BTN2A2: variants seen among roughly 807,000 people sequenced by gnomAD.
BTN2A2 encodes the protein butyrophilin 2.
A neutral mutation model predicts 34.7 loss-of-function variants in BTN2A2; 29 were observed. The observed-to-expected ratio is 0.84, with a 90% CI of 0.62 to 1.14. The LOEUF is 1.14. BTN2A2 is among the 50% of genes most tolerant of loss of function. The pLI is 0.00. For missense variants in BTN2A2, 612 were observed against 651.5 expected (o/e 0.94, Z 0.66); for synonymous variants, 240 against 253.1 (o/e 0.95, Z 0.49).
In BTN2A2 at chr6:26,394,237, C is replaced by T. The variant is rs1369531803; in HGVS notation, c.*1270C>T. On this transcript the variant is annotated 3_prime_UTR_variant, in exon 8 of 8. Coordinates refer to ENST00000356709, the MANE Select transcript of BTN2A2 (RefSeq NM_006995.5). ...AGAGTTCTCTCTAGGAATCCCAAAA[C>T]CACATTTTGAAACTAGAATAGTGGA... is the stretch of plus-strand genomic sequence containing the variant. The T allele has an allele frequency of 2.9e-6, 2 of 699,010 alleles. No individual in the cohort carries two copies. Among genetic ancestry groups the T allele is most frequent in the Non-Finnish European group, 5.2e-6 (2 of 383,634 alleles). The allele number at this position is 699,010 out of a possible 1,614,324, so 43.3% of individuals were successfully genotyped here.
Position 26,392,995 on chromosome 6 carries a change from C to T in BTN2A2, c.*28C>T, listed in dbSNP as rs370709739. ...TCAATTCCTTGGACTCACAGCCATG[C>T]AGATAAGCCCTGGCCATCTCAGCAG... On this transcript the variant is annotated 3_prime_UTR_variant, in exon 8 of 8. Coordinates refer to ENST00000356709, the MANE Select transcript of BTN2A2 (RefSeq NM_006995.5). 98 of 1,613,900 alleles carry T rather than the reference C, an allele frequency of 6.1e-5. No homozygotes were observed. Among genetic ancestry groups the T allele is most frequent in the East Asian group, 4.9e-4 (22 of 44,866 alleles).
chr6:26,386,324 A>T (rs1761199849), intron 3 of BTN2A2, among the ~76,000 whole-genome samples: 1 of 151,836 alleles, frequency 6.6e-6, no homozygotes, highest in African/African-American at 2.4e-5. Flanking sequence ...TGTTGCAGTT[A>T]GTGTATTTTG....
rs748034238 is a variant in BTN2A2 at position 26,383,542 on chromosome 6, A to C, written c.-30-250A>C. On this transcript the variant is annotated intron_variant, in intron 1 of 7. Coordinates refer to ENST00000356709, the MANE Select transcript of BTN2A2 (RefSeq NM_006995.5). The surrounding 1 kb of genome is among the most constrained non-coding windows in gnomAD (Gnocchi z 4.4). ...TGTGAAAGAATCCAGGGACAACTGAAGAAACCGGACTGTGGCCCGAGAAGT... is the reference window on the plus strand; with the variant it reads ...TGTGAAAGAATCCAGGGACAACTGACGAAACCGGACTGTGGCCCGAGAAGT... 2.4e-6 allele frequency: 1 copy of C among 419,054 alleles called. No individual in the cohort carries two copies. Among genetic ancestry groups the C allele is most frequent in the Non-Finnish European group, 4.3e-6 (1 of 232,282 alleles). 26.0% of individuals were successfully genotyped at this position (419,054 alleles called of 1,614,324 possible).
intron 4 of BTN2A2, among the ~76,000 whole-genome samples, chr6:26,388,864 G>T (rs983829278): frequency 6.6e-6 from 1 of 152,146 alleles, no homozygotes; most frequent in Admixed American, 6.5e-5. Context: ...GCTCACACCT[G>T]CAATCCCAGC....
Position 26,394,434 on chromosome 6 carries a change from C to A in BTN2A2, c.*1467C>A. 2 of 646,980 alleles carry A rather than the reference C, an allele frequency of 3.1e-6. No homozygotes were observed. The highest frequency in any genetic ancestry group is 2.8e-5 in the East Asian group (1 of 35,148). The allele number at this position is 646,980 out of a possible 1,614,324, so 40.1% of individuals were successfully genotyped here. A position where few individuals can be genotyped will look rare whatever the true frequency, so the allele number is the denominator to read the frequency against. Reference sequence around the variant, plus strand: ...TCTCTCCTTCTGTTGGCTGGGTGCCCAATACAACAAAAAGGCAGAGGAAAG... The same window carrying A: ...TCTCTCCTTCTGTTGGCTGGGTGCCAAATACAACAAAAAGGCAGAGGAAAG... On this transcript the variant is annotated 3_prime_UTR_variant, in exon 8 of 8. Transcript: ENST00000356709.
In BTN2A2 at chr6:26,383,605, G is replaced by A. The variant is rs1250824201; in HGVS notation, c.-30-187G>A. 1 of 586,842 alleles carries A rather than the reference G, an allele frequency of 1.7e-6. No individual in the cohort carries two copies. Among genetic ancestry groups the A allele is most frequent in the African/African-American group, 1.9e-5 (1 of 53,480 alleles). The allele number at this position is 586,842 out of a possible 1,614,324, so 36.4% of individuals were successfully genotyped here. Reference sequence around the variant, plus strand: ...GAGGAAAACGGCCCCCTTGATCTCTGCATTGATGGCTTACTTATGGAATGT... The same window carrying A: ...GAGGAAAACGGCCCCCTTGATCTCTACATTGATGGCTTACTTATGGAATGT... On this transcript the variant is annotated intron_variant, in intron 1 of 7. Coordinates refer to ENST00000356709, the MANE Select transcript of BTN2A2 (RefSeq NM_006995.5). This position sits in a 1 kb window ranked among gnomAD's most constrained non-coding sequence, Gnocchi z 4.4.
intron 3 of BTN2A2, 175 bp downstream of exon 3, chr6:26,385,537 C>A: frequency 1.7e-6 from 1 of 589,214 alleles, no homozygotes; most frequent in Non-Finnish European, 2.9e-6. Flanking sequence ...CCCTGCTAAG[C>A]TATAGGTTTC....
At chr6:26,391,984 T>C (rs374003924) in intron 7 of BTN2A2, 14 of 557,330 alleles carry the variant, frequency 2.5e-5, no homozygotes, top group East Asian at 1.9e-4. Context: ...CAATAGGAGA[T>C]AAAGCTTCTG....
At chr6:26,390,485 C>T in intron 5 of BTN2A2, 1 of 744,604 alleles carries the variant, frequency 1.3e-6, no homozygotes, top group Non-Finnish European at 2.2e-6. Flanking sequence ...AACGAAAGTT[C>T]AGACAAAAGT....
chr6:26,386,949 C>T (rs1761239907), intron 3 of BTN2A2, among the ~76,000 whole-genome samples: 1 of 152,160 alleles, frequency 6.6e-6, no homozygotes, highest in South Asian at 2.1e-4. Context: ...TAAGTGATTG[C>T]TTTAATTTTC....
chr6:26,393,159 T>C lies in BTN2A2; in HGVS notation c.*192T>C. The C allele has an allele frequency of 1.3e-6, 2 of 1,588,004 alleles. No homozygotes were observed. The highest frequency in any genetic ancestry group is 1.7e-6 in the Non-Finnish European group (2 of 1,168,564). On this transcript the variant is annotated 3_prime_UTR_variant, in exon 8 of 8. Coordinates refer to ENST00000356709, the MANE Select transcript of BTN2A2 (RefSeq NM_006995.5). ...CCTCCTCACTAGTCTGTGGCTTTAG[T>C]AGTTCCTTTGCTTGTAATTATGGGA...
intron 3 of BTN2A2, chr6:26,385,608 T>C: frequency 2.3e-6 from 1 of 430,272 alleles, no homozygotes. Context: ...TGGAGTGCAG[T>C]GGTGCGATCT....
In BTN2A2 at chr6:26,388,048, C is replaced by G. The variant is rs994888288; in HGVS notation, c.478C>G (p.Gln160Glu). The change falls in exon 4 of 8, where the codon CAA becomes GAA. Residue 160 changes from glutamine to glutamate, a missense_variant. Gln to Glu is a conservative substitution (Grantham distance 29, BLOSUM62 2). Coordinates refer to ENST00000356709, the MANE Select transcript of BTN2A2 (RefSeq NM_006995.5). The stretch of plus-strand genomic sequence containing the variant: ...TAAGCCCCTCATTGAAATCAAGGCC[C>G]AAGAGGATGGGAGCATCTGGCTGGA... ...GSKPLIEIKAQEDGSIWLECI... is the reference protein window; with the variant it reads ...GSKPLIEIKAEEDGSIWLECI... The G allele has an allele frequency of 6.2e-7, 1 of 1,613,956 alleles. No individual in the cohort carries two copies. The highest frequency in any genetic ancestry group is 1.3e-5 in the African/African-American group (1 of 74,984).
In BTN2A2 at chr6:26,383,794, C is replaced by T; in HGVS notation, c.-28C>T. ...ATTCTCCTCCTCTGTAACCCTAGGC[C>T]TCTGGTCTCTGCCTGCCCTGGGTGC... On this transcript the variant is annotated splice_region_variant and 5_prime_UTR_variant, in exon 2 of 8. Transcript: ENST00000356709. The surrounding 1 kb of genome is among the most constrained non-coding windows in gnomAD (Gnocchi z 4.4). The T allele has an allele frequency of 6.2e-7, 1 of 1,608,462 alleles. No individual in the cohort carries two copies. The highest frequency in any genetic ancestry group is 1.1e-5 in the South Asian group (1 of 90,958).
Position 26,384,877 on chromosome 6 carries a change from AC to A in BTN2A2, c.95-134del. The A allele has an allele frequency of 1.1e-6, 1 of 944,342 alleles. No homozygotes were observed. The highest frequency in any genetic ancestry group is 1.8e-5 in the South Asian group (1 of 55,702). The allele number at this position is 944,342 out of a possible 1,614,324, so 58.5% of individuals were successfully genotyped here. A position where few individuals can be genotyped will look rare whatever the true frequency, so the allele number is the denominator to read the frequency against. On this transcript the variant is annotated intron_variant, in intron 2 of 7. Coordinates refer to ENST00000356709, the MANE Select transcript of BTN2A2 (RefSeq NM_006995.5). The surrounding 1 kb of genome is among the most constrained non-coding windows in gnomAD (Gnocchi z 4.0). ...CCCCAGAAGGGTTCTCAGCCCAAGA[AC>A]CCCTGTAGCCTTGGAATATCTGCTT... is the stretch of plus-strand genomic sequence containing the variant.
chr6:26,390,109 A>G lies in BTN2A2; in HGVS notation c.829A>G (p.Ile277Val), dbSNP rs1761475627. The change falls in exon 5 of 8, where the codon ATC (isoleucine) becomes GTC (valine). Residue 277 changes from isoleucine (I) to valine (V), a missense_variant. Transcript: ENST00000356709. Reference protein sequence around the residue: ...SMTVILAVFIIFMAVSICCIK... With the variant: ...SMTVILAVFIVFMAVSICCIK... ...GACTGTCATCCTGGCTGTTTTCATC[A>G]TCTTCATGGCTGTCAGCATCTGTTG... 1.2e-6 allele frequency: 2 copies of G among 1,614,030 alleles called. No homozygotes were observed. The highest frequency in any genetic ancestry group is 1.7e-6 in the Non-Finnish European group (2 of 1,180,044).
chr6:26,393,340 G>A lies in BTN2A2; in HGVS notation c.*373G>A. The stretch of plus-strand genomic sequence containing the variant: ...CCAGATGCTGTGGACTTGGAATGAG[G>A]CCAACAGGGTTCACCAGGATGAGAG... On this transcript the variant is annotated 3_prime_UTR_variant, in exon 8 of 8. Transcript: ENST00000356709. 8.3e-7 allele frequency: 1 copy of A among 1,208,108 alleles called. No individual in the cohort carries two copies. Among genetic ancestry groups the A allele is most frequent in the Non-Finnish European group, 1.0e-6 (1 of 958,128 alleles). 74.8% of individuals were successfully genotyped at this position (1,208,108 alleles called of 1,614,324 possible).
intron 7 of BTN2A2, chr6:26,392,085 G>C: frequency 1.3e-6 from 1 of 777,860 alleles, no homozygotes; most frequent in Non-Finnish European, 2.0e-6. Context: ...ATCTTAGAAT[G>C]CTGAGAAAAA....
intron 7 of BTN2A2, chr6:26,391,067 T>C: frequency 1.6e-6 from 1 of 609,612 alleles, no homozygotes; most frequent in Non-Finnish European, 2.9e-6. Flanking sequence ...TTTGGAATAA[T>C]TTAATGCATG....
Sources: allele counts gnomAD v4.1 joint callset (sites outside exome capture counted in the v4.1 genomes callset), GRCh38; gene constraint gnomAD v4.1.1; non-coding constraint Gnocchi (gnomAD v3.1); transcripts MANE v1.5; gene names NCBI Gene and HGNC (gene_info 2026-07-23, HGNC 2026-07-21).